The following ARMC8 variants were observed in gnomAD, a reference collection of about 807,000 sequenced individuals.
The protein encoded by ARMC8 is armadillo repeat containing 8.
ARMC8 carries 20 observed loss-of-function variants against 99.3 expected under a neutral mutation model. That is an observed-to-expected ratio of 0.20 (90% CI 0.14 to 0.29). ARMC8 has a LOEUF of 0.29. Ranked by LOEUF, ARMC8 falls within the 10% of genes least tolerant of loss-of-function variation. The probability of loss-of-function intolerance (pLI) is 1.00; values close to 1 mark genes in which losing one functional copy is unlikely to be tolerated. For missense variants in ARMC8, 569 were observed against 809.5 expected (o/e 0.70, Z 3.60); for synonymous variants, 263 against 278.3 (o/e 0.95, Z 0.55).
chr3:138,200,858 T>A (rs191071724), intron 1 of ARMC8, among the ~76,000 whole-genome samples: 1 of 152,046 alleles, frequency 6.6e-6, no homozygotes, highest in East Asian at 1.9e-4. Flanking sequence ...TGTTTATTGC[T>A]TTTTCTCTTT....
At chr3:138,275,510 G>C (rs1395135115) in intron 18 of ARMC8, among the ~76,000 whole-genome samples, 3 of 151,918 alleles carry the variant, frequency 2.0e-5, no homozygotes, top group African/African-American at 7.3e-5. Flanking sequence ...AGTGATCCAA[G>C]ATAGCACCAC....
intron 10 of ARMC8, among the ~76,000 whole-genome samples, chr3:138,240,962 A>C (rs1040138661): frequency 1.2e-4 from 19 of 152,294 alleles, no homozygotes; most frequent in Admixed American, 1.0e-3. Context: ...AGGCAGGAGA[A>C]TTGCTTGAAT....
chr3:138,218,200 G>A (rs1202586505), intron 2 of ARMC8, among the ~76,000 whole-genome samples: 1 of 152,106 alleles, frequency 6.6e-6, no homozygotes, highest in Non-Finnish European at 1.5e-5. Context: ...CTATGTTAAA[G>A]ATAAGCATAG....
intron 5 of ARMC8, among the ~76,000 whole-genome samples, chr3:138,228,456 C>A (rs754054395): frequency 6.6e-6 from 1 of 152,174 alleles, no homozygotes; most frequent in Non-Finnish European, 1.5e-5. Context: ...TTGAAAATAG[C>A]TAACTACAGT....
At position 138,239,507 on chromosome 3, in the gene ARMC8, T is replaced by C. The variant is rs746747754; in HGVS notation, c.816T>C (p.Asp272=). The C allele has an allele frequency of 2.0e-5, 32 of 1,601,868 alleles. No homozygotes were observed. Among genetic ancestry groups the C allele is most frequent in the Non-Finnish European group, 2.5e-5 (29 of 1,174,318 alleles). ...YMCRAGAIRT[D]DNCIVLKTLP... is the part of the protein sequence containing the mutation. ...GTAGAGCTGGAGCAATTCGGACAGA[T>C]GATAACTGTATTGTATTAAAGGTAA... is the stretch of plus-strand genomic sequence containing the variant. Residue 272 remains aspartate (D), a synonymous_variant, in exon 10 of 22, where the codon GAT becomes GAC. Coordinates refer to ENST00000469044, the MANE Select transcript of ARMC8 (RefSeq NM_001363941.2).
At chr3:138,263,545 C>T in intron 12 of ARMC8, 194 bp from the exon 13 acceptor site, 1 of 602,242 alleles carries the variant, frequency 1.7e-6, no homozygotes, top group Non-Finnish European at 3.0e-6. Flanking sequence ...TTCAGCCTGG[C>T]AGGTCCTTAG....
chr3:138,272,488 C>T (rs770441547), intron 16 of ARMC8, among the ~76,000 whole-genome samples: 1 of 152,154 alleles, frequency 6.6e-6, no homozygotes, highest in African/African-American at 2.4e-5. Flanking sequence ...TTACGTTTCT[C>T]TTGACGGACA....
At chr3:138,209,576 A>G (rs537503036) in intron 1 of ARMC8, among the ~76,000 whole-genome samples, 1 of 152,332 alleles carries the variant, frequency 6.6e-6, no homozygotes, top group East Asian at 1.9e-4. Flanking sequence ...CTTAGAAGAA[A>G]AATATTGATC....
intron 5 of ARMC8, among the ~76,000 whole-genome samples, chr3:138,224,327 C>G (rs2045569910): frequency 6.6e-6 from 1 of 152,098 alleles, no homozygotes; most frequent in Admixed American, 6.6e-5. Flanking sequence ...TGCCTATAGT[C>G]CTAGCTCATG....
intron 6 of ARMC8, among the ~76,000 whole-genome samples, chr3:138,232,114 G>T (rs2046076525): frequency 6.6e-6 from 1 of 151,558 alleles, no homozygotes; most frequent in African/African-American, 2.4e-5. Flanking sequence ...GGGATTACAG[G>T]TGTGCACCAC....
chr3:138,264,989 C>T (rs994252217), intron 14 of ARMC8, among the ~76,000 whole-genome samples: 1 of 151,874 alleles, frequency 6.6e-6, no homozygotes, highest in Non-Finnish European at 1.5e-5. Flanking sequence ...CCTTGTGCCC[C>T]CCGGCCCAAG....
chr3:138,264,528 T>C (rs1290780288), intron 14 of ARMC8, among the ~76,000 whole-genome samples: 1 of 151,292 alleles, frequency 6.6e-6, no homozygotes, highest in African/African-American at 2.4e-5. Flanking sequence ...CAAGCGATTC[T>C]TCTGCCTCAG....
chr3:138,287,929 G>A, intron 19 of ARMC8: 1 of 222,136 alleles, frequency 4.5e-6, no homozygotes, highest in Non-Finnish European at 9.2e-6. Context: ...TTTTCATTCA[G>A]GCGAAAACAC....
intron 5 of ARMC8, among the ~76,000 whole-genome samples, chr3:138,225,429 A>G (rs1258135300): frequency 1.3e-5 from 2 of 152,096 alleles, no homozygotes; most frequent in East Asian, 1.9e-4. Context: ...CTATTTTTCA[A>G]TATACAATAG....
At chr3:138,265,447 A>G (rs1372929494) in intron 14 of ARMC8, among the ~76,000 whole-genome samples, 1 of 152,152 alleles carries the variant, frequency 6.6e-6, no homozygotes, top group Non-Finnish European at 1.5e-5. Context: ...TTGTTTTTGC[A>G]TACCTGCTAT....
At chr3:138,188,262 T>C in intron 1 of ARMC8, 2 of 676,478 alleles carry the variant, frequency 3.0e-6, no homozygotes, top group Non-Finnish European at 4.5e-6. Context: ...TCCCTGTGCC[T>C]GGTATTCCGT....
chr3:138,293,116 A>G (rs2051131266), intron 21 of ARMC8, among the ~76,000 whole-genome samples: 1 of 152,162 alleles, frequency 6.6e-6, no homozygotes, highest in Non-Finnish European at 1.5e-5. Context: ...CTTGGCTGTC[A>G]GGTTGTCTGC....
chr3:138,253,771 C>G (rs2047252198), intron 12 of ARMC8, among the ~76,000 whole-genome samples: 1 of 152,112 alleles, frequency 6.6e-6, no homozygotes. Flanking sequence ...TTTGTGAATG[C>G]TTACAGTTTA....
Position 138,297,181 on chromosome 3 carries a change from T to C in ARMC8, c.*1289T>C, listed in dbSNP as rs1366994698. On this transcript the variant is annotated 3_prime_UTR_variant, in exon 22 of 22. Transcript: ENST00000469044. ...AACTAAAATCTTTCCTGCATGAAGC[T>C]AAAAGCACTCAAGTTGAGAGAGGGG... 2 of 152,188 alleles carry C rather than the reference T, an allele frequency of 1.3e-5. No individual in the cohort carries two copies. Among genetic ancestry groups the C allele is most frequent in the Admixed American group, 6.5e-5 (1 of 15,284 alleles). 9.4% of individuals were successfully genotyped at this position (152,188 alleles called of 1,614,324 possible). A position where few individuals can be genotyped will look rare whatever the true frequency, so the allele number is the denominator to read the frequency against.
Sources: allele counts gnomAD v4.1 joint callset (sites outside exome capture counted in the v4.1 genomes callset), GRCh38; gene constraint gnomAD v4.1.1; transcripts MANE v1.5; gene names NCBI Gene and HGNC (gene_info 2026-07-23, HGNC 2026-07-21).